The following PIK3CA variants were observed in gnomAD, a reference collection of about 807,000 sequenced individuals.
PIK3CA encodes phosphatidylinositol 4,5-bisphosphate 3-kinase catalytic subunit alpha isoform.
In PIK3CA, 27 loss-of-function variants were observed where a neutral mutation model predicts 138.2. That is an observed-to-expected ratio of 0.20 (90% CI 0.14 to 0.27). The LOEUF is 0.27. Among genes scored for constraint, PIK3CA ranks in the 10% least tolerant of loss-of-function variants. PIK3CA has a pLI of 1.00. For missense variants in PIK3CA, 544 were observed against 1,277.4 expected, an observed-to-expected ratio of 0.43 and a Z score of 8.75; for synonymous variants, 358 against 413.2, an observed-to-expected ratio of 0.87 and a Z score of 1.62.
chr3:179,217,292 A>G (rs1226503747), intron 9 of PIK3CA, among the ~76,000 whole-genome samples: 2 of 152,098 alleles, frequency 1.3e-5, no homozygotes, highest in Non-Finnish European at 2.9e-5. Flanking sequence ...CAATTTTCCA[A>G]TATTTTTATT....
intron 1 of PIK3CA, among the ~76,000 whole-genome samples, chr3:179,192,754 T>G (rs1288228043): frequency 6.6e-6 from 1 of 152,266 alleles, no homozygotes; most frequent in Non-Finnish European, 1.5e-5. Context: ...TAAAACTTTA[T>G]TTACAAAAGC....
At chr3:179,188,868 A>C (rs1724056402) in intron 1 of PIK3CA, among the ~76,000 whole-genome samples, 1 of 152,128 alleles carries the variant, frequency 6.6e-6, no homozygotes, top group South Asian at 2.1e-4. Flanking sequence ...TTGAGCTTAT[A>C]TTTTAAGAAA....
In PIK3CA at chr3:179,170,076, GCA is replaced by G. The variant is rs60084117; in HGVS notation, c.-77+21495_-77+21496del. On this transcript the variant is annotated intron_variant, in intron 1 of 20. Coordinates refer to ENST00000263967, the MANE Select transcript of PIK3CA (RefSeq NM_006218.4). ...CACATGCGCGTGCACACGCGCGCGCGCACACACACACACACACACACACGACC... is the reference window on the plus strand; with the variant it reads ...CACATGCGCGTGCACACGCGCGCGCGCACACACACACACACACACACGACC... Among the ~76,000 whole-genome samples the G allele has an allele frequency of 4.3e-3, 604 of 139,290 alleles. 2 individuals carry two copies. The highest frequency in any genetic ancestry group is 0.014 in the African/African-American group (476 of 33,342). 91.4% of individuals were successfully genotyped at this position (139,290 alleles called of 152,430 possible).
At chr3:179,189,107 G>A (rs575952905) in intron 1 of PIK3CA, among the ~76,000 whole-genome samples, 166 of 152,150 alleles carry the variant, frequency 1.1e-3, no homozygotes, top group South Asian at 5.8e-3. Flanking sequence ...CCAGCTACTC[G>A]GGAGGCTGAG....
intron 1 of PIK3CA, among the ~76,000 whole-genome samples, chr3:179,166,022 T>C (rs531486828): frequency 6.6e-6 from 1 of 152,120 alleles, no homozygotes; most frequent in African/African-American, 2.4e-5. Flanking sequence ...CCTTCCTCAC[T>C]AGACCATGAA....
intron 17 of PIK3CA, among the ~76,000 whole-genome samples, chr3:179,228,038 T>C (rs113043324): frequency 0.041 from 6,307 of 152,170 alleles, 142 homozygotes; most frequent in Non-Finnish European, 0.047. Flanking sequence ...CAGACATGGA[T>C]ATTTGGCAGA....
At chr3:179,162,511 T>C (rs550385387) in intron 1 of PIK3CA, among the ~76,000 whole-genome samples, 1 of 152,114 alleles carries the variant, frequency 6.6e-6, no homozygotes, top group Admixed American at 6.5e-5. Flanking sequence ...CTTAATATCA[T>C]ACCCGGCCTG....
At chr3:179,168,710 G>A (rs1723477578) in intron 1 of PIK3CA, among the ~76,000 whole-genome samples, 1 of 152,052 alleles carries the variant, frequency 6.6e-6, no homozygotes, top group Admixed American at 6.5e-5. Flanking sequence ...TGCAAATATA[G>A]GTGAAATGTT....
At chr3:179,180,793 G>T (rs999821210) in intron 1 of PIK3CA, among the ~76,000 whole-genome samples, 1 of 151,896 alleles carries the variant, frequency 6.6e-6, no homozygotes, top group African/African-American at 2.4e-5. Context: ...AAATTTGGGG[G>T]GACACACTTT....
intron 1 of PIK3CA, among the ~76,000 whole-genome samples, chr3:179,156,439 C>G (rs1179014018): frequency 6.6e-6 from 1 of 152,136 alleles, no homozygotes; most frequent in East Asian, 1.9e-4. Context: ...TTAAAGACTT[C>G]TAGGAAAGTA....
In PIK3CA at chr3:179,220,204, CT is replaced by C. The variant is rs1337200801; in HGVS notation, c.2015+153del. 6.6e-6 allele frequency: 5 copies of C among 756,812 alleles called. No homozygotes were observed. The highest frequency in any genetic ancestry group is 9.5e-6 in the Non-Finnish European group (5 of 526,036). 46.9% of individuals were successfully genotyped at this position (756,812 alleles called of 1,614,324 possible). A position where few individuals can be genotyped will look rare whatever the true frequency, so the allele number is the denominator to read the frequency against. On this transcript the variant is annotated intron_variant, in intron 13 of 20. Transcript: ENST00000263967. This position sits in a 1 kb window ranked among gnomAD's most constrained non-coding sequence, Gnocchi z 4.1. ...AGTATTTTGTACCAGTGATGAGCTT[CT>C]CAACTTTTGCTCTTTGAAATTTAAA...
rs2108424949 is a variant in PIK3CA, at chr3:179,230,266, G to A, written c.2826G>A (p.Lys942=). The A allele has an allele frequency of 6.2e-7, 1 of 1,609,980 alleles. No homozygotes were observed. Among genetic ancestry groups the A allele is most frequent in the South Asian group, 1.1e-5 (1 of 90,368 alleles). Residue 942 remains lysine (K), a synonymous_variant, in exon 20 of 21, where the codon AAG becomes AAA. Coordinates refer to ENST00000263967, the MANE Select transcript of PIK3CA (RefSeq NM_006218.4). This position sits in a 1 kb window ranked among gnomAD's most constrained non-coding sequence, Gnocchi z 5.4. ...IDFGHFLDHK[K]KKFGYKRERV... is the part of the protein sequence containing the mutation. ...TTGGACACTTTTTGGATCACAAGAA[G>A]AAAAAATTTGGTTATAAACGAGAAC...
chr3:179,232,258 T>A (rs2108427087), intron 20 of PIK3CA, among the ~76,000 whole-genome samples: 1 of 152,292 alleles, frequency 6.6e-6, no homozygotes, highest in East Asian at 1.9e-4. Context: ...TAGATTTAAG[T>A]CTTCGATCCA....
chr3:179,234,519 A>G lies in PIK3CA; in HGVS notation c.*155A>G, dbSNP rs907964714. 5 of 517,418 alleles carry G rather than the reference A, an allele frequency of 9.7e-6. No individual in the cohort carries two copies. The highest frequency in any genetic ancestry group is 3.2e-6 in the Non-Finnish European group (1 of 312,680). The allele number at this position is 517,418 out of a possible 1,614,324, so 32.1% of individuals were successfully genotyped here. A position where few individuals can be genotyped will look rare whatever the true frequency, so the allele number is the denominator to read the frequency against. On this transcript the variant is annotated 3_prime_UTR_variant, in exon 21 of 21. Transcript: ENST00000263967. This position sits in a 1 kb window ranked among gnomAD's most constrained non-coding sequence, Gnocchi z 5.1. Reference sequence around the variant, plus strand: ...AGAAATAAAATACTATATAATTTAAATAATGTAAACGCAAACAGGGTTTGA... The same window carrying G: ...AGAAATAAAATACTATATAATTTAAGTAATGTAAACGCAAACAGGGTTTGA...
At chr3:179,196,860 A>G (rs567859206) in intron 1 of PIK3CA, among the ~76,000 whole-genome samples, 1 of 152,294 alleles carries the variant, frequency 6.6e-6, no homozygotes, top group South Asian at 2.1e-4. Context: ...GACAAGAAAT[A>G]TTGATGGCCG....
At chr3:179,207,316 C>T (rs1724588570) in intron 6 of PIK3CA, among the ~76,000 whole-genome samples, 2 of 152,026 alleles carry the variant, frequency 1.3e-5, no homozygotes, top group Non-Finnish European at 2.9e-5. Flanking sequence ...AAATAAAGAA[C>T]TTAATTGAGC....
At chr3:179,210,660 G>T in intron 9 of PIK3CA, 95 bp downstream of exon 9, 2 of 1,202,586 alleles carry the variant, frequency 1.7e-6, no homozygotes, top group Admixed American at 4.2e-5. Flanking sequence ...TATTTTACTG[G>T]CATAGATACT....
At chr3:179,181,455 T>A (rs1723844572) in intron 1 of PIK3CA, among the ~76,000 whole-genome samples, 1 of 152,142 alleles carries the variant, frequency 6.6e-6, no homozygotes, top group African/African-American at 2.4e-5. Context: ...AACACTAGTA[T>A]TATAAACCCA....
intron 17 of PIK3CA, among the ~76,000 whole-genome samples, chr3:179,229,050 G>A (rs538207965): frequency 2.0e-5 from 3 of 152,150 alleles, no homozygotes; most frequent in Admixed American, 2.0e-4. Flanking sequence ...AAAATACAGT[G>A]CTTTCTCAGT....
Sources: allele counts gnomAD v4.1 joint callset (sites outside exome capture counted in the v4.1 genomes callset), GRCh38; gene constraint gnomAD v4.1.1; non-coding constraint Gnocchi (gnomAD v3.1); transcripts MANE v1.5; gene names NCBI Gene and HGNC (gene_info 2026-07-23, HGNC 2026-07-21).